Variants in NPRL3 observed in about 807,000 individuals in gnomAD.
The protein encoded by NPRL3 is NPR3 like, GATOR1 complex subunit.
In NPRL3, 23 loss-of-function variants were observed where a neutral mutation model predicts 57.2. The observed-to-expected ratio is 0.40, with a 90% CI of 0.29 to 0.57. The LOEUF (loss-of-function observed/expected upper bound fraction) is 0.57, where lower values mean the gene tolerates loss of function less well. Ranked by LOEUF, NPRL3 falls within the 20% of genes least tolerant of loss-of-function variation. NPRL3 has a pLI of 0.42. For missense variants in NPRL3, 691 were observed against 767.1 expected (o/e 0.90, Z 1.17); for synonymous variants, 333 against 321.1 (o/e 1.04, Z -0.39).
chr16:105,097 C>A lies in NPRL3; in HGVS notation c.630-4588G>T, dbSNP rs1188477167. Among the ~76,000 whole-genome samples the A allele has an allele frequency of 5.9e-5, 9 of 152,192 alleles. No homozygotes were observed. In the South Asian group the frequency reaches 1.7e-3, roughly 28 times the overall value. On this transcript the variant is annotated intron_variant, in intron 7 of 13. Transcript: ENST00000611875. ...ACTGTCCTCCTCAAGACTTATCCAG[C>A]CCCTCACACAGCTCTGGGCCAGCCA... is the stretch of plus-strand genomic sequence containing the variant.
At chr16:110,380 G>A (rs1899746578) in intron 7 of NPRL3, 145 bp downstream of exon 7, 4 of 546,898 alleles carry the variant, frequency 7.3e-6, no homozygotes, top group Non-Finnish European at 1.3e-5. Context: ...AGTCCTCTCC[G>A]GCCCTAACCT....
At chr16:137,359 G>A (rs749786370) in intron 2 of NPRL3, among the ~76,000 whole-genome samples, 2 of 152,238 alleles carry the variant, frequency 1.3e-5, no homozygotes, top group Non-Finnish European at 2.9e-5. Context: ...GGCAGACGGA[G>A]CTCCAAGGCC....
Position 86,656 on chromosome 16 carries a change from G to C in NPRL3, c.*49C>G, listed in dbSNP as rs529048609. Reference sequence around the variant, plus strand: ...GGGGGGAGCCCTGGGGTGGGGAGACGCGAGCGCCCACCTGCGCACCCCAGC... The same window carrying C: ...GGGGGGAGCCCTGGGGTGGGGAGACCCGAGCGCCCACCTGCGCACCCCAGC... On this transcript the variant is annotated 3_prime_UTR_variant, in exon 14 of 14. Transcript: ENST00000611875. 6.6e-7 allele frequency: 1 copy of C among 1,507,880 alleles called. No homozygotes were observed. Among genetic ancestry groups the C allele is most frequent in the African/African-American group, 1.4e-5 (1 of 72,362 alleles). 93.4% of individuals were successfully genotyped at this position (1,507,880 alleles called of 1,614,324 possible).
chr16:98,357 T>TC, intron 8 of NPRL3, 56 bp from the exon 9 acceptor site: 1 of 1,568,964 alleles, frequency 6.4e-7, no homozygotes, highest in Non-Finnish European at 8.6e-7. Context: ...CTGCACCGGG[T>TC]ATGCACCAGG....
intron 7 of NPRL3, among the ~76,000 whole-genome samples, chr16:107,267 A>C (rs1184146083): frequency 6.6e-6 from 1 of 152,202 alleles, no homozygotes; most frequent in Non-Finnish European, 1.5e-5. Flanking sequence ...AGATCACACA[A>C]CAGGCAGTCC....
intron 4 of NPRL3, among the ~76,000 whole-genome samples, chr16:118,896 G>A (rs1596528387): frequency 1.3e-5 from 2 of 152,016 alleles, no homozygotes; most frequent in African/African-American, 4.8e-5. Flanking sequence ...CCTGCCCAGG[G>A]GGAGCCACAC....
At chr16:92,345 C>T (rs1194464448) in intron 11 of NPRL3, among the ~76,000 whole-genome samples, 2 of 152,242 alleles carry the variant, frequency 1.3e-5, no homozygotes, top group Non-Finnish European at 2.9e-5. Context: ...CTGCCTGCCA[C>T]AGCCAGGGTG....
At chr16:110,769 C>T (rs2141946565) in intron 6 of NPRL3, among the ~76,000 whole-genome samples, 163 bp from the exon 7 acceptor site, 1 of 152,236 alleles carries the variant, frequency 6.6e-6, no homozygotes, top group African/African-American at 2.4e-5. Flanking sequence ...AGGCTGGTCT[C>T]GAACTCCTGT....
chr16:121,513 G>A (rs1023859829), intron 3 of NPRL3, among the ~76,000 whole-genome samples: 3 of 151,918 alleles, frequency 2.0e-5, no homozygotes, highest in African/African-American at 7.2e-5. Context: ...CCAGCTAGTC[G>A]GGAGGCTGAG....
intron 2 of NPRL3, among the ~76,000 whole-genome samples, chr16:136,038 T>C (rs1306291225): frequency 1.3e-5 from 2 of 152,194 alleles, no homozygotes; most frequent in Non-Finnish European, 2.9e-5. Context: ...ACCTACCAGA[T>C]TAACAAAGAT....
At chr16:132,540 C>A (rs1286130563) in intron 2 of NPRL3, among the ~76,000 whole-genome samples, 1 of 152,222 alleles carries the variant, frequency 6.6e-6, no homozygotes, top group Non-Finnish European at 1.5e-5. Flanking sequence ...GATATTTTGA[C>A]ATGATCACCA....
intron 7 of NPRL3, among the ~76,000 whole-genome samples, chr16:106,618 C>T (rs1004669092): frequency 4.6e-5 from 6 of 129,878 alleles, no homozygotes; most frequent in Non-Finnish European, 6.3e-5. Context: ...GAGTGAGACC[C>T]TGCCTTAAAT....
At chr16:91,820 G>A (rs149258261) in intron 11 of NPRL3, among the ~76,000 whole-genome samples, 11 of 152,338 alleles carry the variant, frequency 7.2e-5, no homozygotes, top group African/African-American at 2.4e-4. Context: ...CACCCAGCTC[G>A]TCTGTCTCCA....
At position 86,768 on chromosome 16, in the gene NPRL3, G is replaced by T. The variant is rs1191944943; in HGVS notation, c.1647C>A (p.Ser549Arg). 3 of 1,597,526 alleles carry T rather than the reference G, an allele frequency of 1.9e-6. No individual in the cohort carries two copies. The highest frequency in any genetic ancestry group is 2.7e-5 in the African/African-American group (2 of 74,706). Reference sequence around the variant, plus strand: ...CCTCGTGGGTGGTCACCACCAGCACGCTGCGGAACTTGTCAAACAGCATGA... The same window carrying T: ...CCTCGTGGGTGGTCACCACCAGCACTCTGCGGAACTTGTCAAACAGCATGA... ...QLLMLFDKFR[S>R]VLVVTTHEDP... is the part of the protein sequence containing the mutation. The change falls in exon 14 of 14, where the codon AGC (serine) becomes AGA (arginine). Residue 549 changes from serine to arginine, a missense_variant. Physicochemically the swap from Ser to Arg is moderately radical, Grantham distance 110 (BLOSUM62 -1). Transcript: ENST00000611875.
rs1416645067 is a variant in NPRL3 at position 119,201 on chromosome 16, G to C, written c.243C>G (p.Gly81=). ...TATCAATCTTCAGTTCAAATTTTTG[G>C]CCACACATTTCAGACTTGGTTGCCA... is the stretch of plus-strand genomic sequence containing the variant. ...TILATKSEMC[G]QKFELKIDNV... is the part of the protein sequence containing the mutation. The change falls in exon 4 of 14, where the codon GGC becomes GGG. Residue 81 remains glycine, a synonymous_variant. Transcript: ENST00000611875. 6.2e-7 allele frequency: 1 copy of C among 1,612,096 alleles called. No individual in the cohort carries two copies. The highest frequency in any genetic ancestry group is 1.3e-5 in the African/African-American group (1 of 74,908).
In NPRL3 at chr16:89,666, C is replaced by T. The variant is rs1467228835; in HGVS notation, c.1351+47G>A. ...CACGTTGAGCCTCCTGGATGCCACC[C>T]CCAAGCGTCTCCCCTGACTACCACA... On this transcript the variant is annotated intron_variant, in intron 12 of 13. Coordinates refer to ENST00000611875, the MANE Select transcript of NPRL3 (RefSeq NM_001077350.3). 6 of 1,443,986 alleles carry T rather than the reference C, an allele frequency of 4.2e-6. No homozygotes were observed. The South Asian group carries it at 7.3e-5, about 18-fold the overall frequency. 89.4% of individuals were successfully genotyped at this position (1,443,986 alleles called of 1,614,324 possible).
At chr16:104,531 G>C (rs771579501) in intron 7 of NPRL3, among the ~76,000 whole-genome samples, 1 of 152,198 alleles carries the variant, frequency 6.6e-6, no homozygotes, top group Non-Finnish European at 1.5e-5. Context: ...CGTGTCAGCT[G>C]TCCTTGGAGC....
chr16:136,687 CAAAAAAA>C (rs78093894), intron 2 of NPRL3, among the ~76,000 whole-genome samples: 8 of 85,228 alleles, frequency 9.4e-5, no homozygotes, highest in African/African-American at 1.6e-4. Flanking sequence ...AGACTCGTCT[CAAAAAAA>C]AAAAAAAAGA....
In NPRL3 at chr16:85,744, C is replaced by T. The variant is rs555308385; in HGVS notation, c.*961G>A. 16 of 1,514,110 alleles carry T rather than the reference C, an allele frequency of 1.1e-5. No homozygotes were observed. The highest frequency in any genetic ancestry group is 1.8e-4 in the Middle Eastern group (1 of 5,550). The allele number at this position is 1,514,110 out of a possible 1,614,324, so 93.8% of individuals were successfully genotyped here. A position where few individuals can be genotyped will look rare whatever the true frequency, so the allele number is the denominator to read the frequency against. ...GGGGCAGCCCCTGGGTCAGTGTGGT[C>T]GACAGAGTGGCTGAGCAGGACACAC... On this transcript the variant is annotated 3_prime_UTR_variant, in exon 14 of 14. Transcript: ENST00000611875.
Sources: gnomAD v4.1 joint callset for allele counts (sites outside exome capture counted in the v4.1 genomes callset) on GRCh38, gnomAD v4.1.1 for gene constraint, MANE v1.5 for transcripts, NCBI Gene and HGNC (gene_info 2026-07-23, HGNC 2026-07-21) for gene names.